Variants in ABCA1 observed in about 807,000 individuals in gnomAD.
The protein encoded by ABCA1 is ATP binding cassette subfamily A member 1.
A neutral mutation model predicts 262.5 loss-of-function variants in ABCA1; 133 were observed. The observed-to-expected ratio is 0.51, with a 90% confidence interval of 0.44 to 0.59. ABCA1 has a LOEUF of 0.59. Among genes scored for constraint, ABCA1 ranks in the 20% least tolerant of loss-of-function variants. The pLI, the probability that ABCA1 is intolerant of heterozygous loss-of-function variation, is 0.00. For synonymous variants in ABCA1, 1,022 were observed against 1,043.5 expected (o/e 0.98, Z 0.40); for missense variants, 2,452 against 2,777.5 (o/e 0.88, Z 2.63).
chr9:104,869,228 G>T (rs913058849), intron 5 of ABCA1, among the ~76,000 whole-genome samples: 3 of 151,906 alleles, frequency 2.0e-5, no homozygotes, highest in Admixed American at 2.0e-4. Flanking sequence ...GAAGTGGGTG[G>T]AGGAGGCAAA....
intron 1 of ABCA1, among the ~76,000 whole-genome samples, chr9:104,912,404 T>A (rs1841553468): frequency 6.6e-6 from 1 of 152,056 alleles, no homozygotes; most frequent in Non-Finnish European, 1.5e-5. Flanking sequence ...GTCTCAAAAA[T>A]AAACAAACAA....
At chr9:104,801,133 C>G (rs1215752102) in intron 34 of ABCA1, among the ~76,000 whole-genome samples, 1 of 94,774 alleles carries the variant, frequency 1.1e-5, no homozygotes, top group African/African-American at 4.1e-5. Context: ...AAAAAAGATT[C>G]ATTTCCTATT....
intron 5 of ABCA1, among the ~76,000 whole-genome samples, chr9:104,862,656 G>GGCAGC (rs1417400610): frequency 0.015 from 30 of 1,936 alleles, 6 homozygotes; most frequent in African/African-American, 0.038. Flanking sequence ...GGCCGGGCCG[G>GGCAGC]GCCGGGCCGG....
At chr9:104,921,038 C>T (rs1479554555) in intron 1 of ABCA1, among the ~76,000 whole-genome samples, 1 of 152,112 alleles carries the variant, frequency 6.6e-6, no homozygotes, top group Non-Finnish European at 1.5e-5. Flanking sequence ...TTCTTTTTCA[C>T]CAATATTTGC....
intron 1 of ABCA1, among the ~76,000 whole-genome samples, chr9:104,915,928 T>A (rs1841814969): frequency 6.6e-6 from 1 of 152,144 alleles, no homozygotes; most frequent in African/African-American, 2.4e-5. Context: ...TGCCATGCCC[T>A]TCTCTGCAGA....
intron 3 of ABCA1, among the ~76,000 whole-genome samples, chr9:104,888,518 T>C (rs1203857636): frequency 6.6e-6 from 1 of 152,238 alleles, no homozygotes; most frequent in Non-Finnish European, 1.5e-5. Context: ...GCTTAGTGAA[T>C]GCTGACACCA....
intron 46 of ABCA1, among the ~76,000 whole-genome samples, chr9:104,787,465 C>T (rs750944857): frequency 6.6e-6 from 1 of 152,002 alleles, no homozygotes; most frequent in Non-Finnish European, 1.5e-5. Flanking sequence ...GGCTTCTTCC[C>T]GTAATAACAT....
intron 2 of ABCA1, among the ~76,000 whole-genome samples, chr9:104,893,613 A>G (rs921864003): frequency 1.3e-5 from 2 of 152,130 alleles, no homozygotes; most frequent in Non-Finnish European, 2.9e-5. Context: ...TACAAGGCAC[A>G]TTTTATATTA....
At chr9:104,882,817 G>C (rs539255519) in intron 5 of ABCA1, among the ~76,000 whole-genome samples, 2 of 152,282 alleles carry the variant, frequency 1.3e-5, no homozygotes, top group East Asian at 3.9e-4. Context: ...CTTTTCTTCT[G>C]TCTTCCCAGA....
At chr9:104,869,590 A>G (rs1837416348) in intron 5 of ABCA1, among the ~76,000 whole-genome samples, 1 of 152,130 alleles carries the variant, frequency 6.6e-6, no homozygotes, top group African/African-American at 2.4e-5. Context: ...ACTCTCTGGG[A>G]AGACCTGGTT....
In ABCA1 at chr9:104,784,136, CT is replaced by C. The variant is rs1038459626; in HGVS notation, c.*178del. The C allele has an allele frequency of 2.7e-6, 2 of 730,712 alleles. No homozygotes were observed. The highest frequency in any genetic ancestry group is 5.4e-5 in the East Asian group (2 of 37,358). 45.3% of individuals were successfully genotyped at this position (730,712 alleles called of 1,614,324 possible). On this transcript the variant is annotated 3_prime_UTR_variant, in exon 50 of 50. Transcript: ENST00000374736. ...GACATAGGCTACAAAGGCACTGCCC[CT>C]GTAATGGAATTTTGTTTTCATTGCA...
chr9:104,865,832 A>G (rs1476988261), intron 5 of ABCA1, among the ~76,000 whole-genome samples: 1 of 152,228 alleles, frequency 6.6e-6, no homozygotes, highest in Non-Finnish European at 1.5e-5. Context: ...CAACTTTACC[A>G]ATGTACAACA....
Position 104,819,978 on chromosome 9 carries a change from C to T in ABCA1, c.3052G>A (p.Asp1018Asn). ...VKAEMEQMAL[D>N]VGLPSSKLKS... ...AGCTTGCTTGATGGCAAACCAACAT[C>T]CAGGGCCATCTGCTCCATCTCCGCC... Residue 1018 changes from aspartate (D) to asparagine (N), a missense_variant, in exon 21 of 50, where the codon GAT becomes AAT. Asp to Asn is a conservative substitution (Grantham distance 23, BLOSUM62 1). Coordinates refer to ENST00000374736, the MANE Select transcript of ABCA1 (RefSeq NM_005502.4). 6.2e-7 allele frequency: 1 copy of T among 1,614,066 alleles called. No individual in the cohort carries two copies. Among genetic ancestry groups the T allele is most frequent in the Non-Finnish European group, 8.5e-7 (1 of 1,180,034 alleles).
intron 15 of ABCA1, among the ~76,000 whole-genome samples, chr9:104,828,293 G>A (rs1832970177): frequency 6.6e-6 from 1 of 152,192 alleles, no homozygotes; most frequent in African/African-American, 2.4e-5. Context: ...GTGGTGTCAG[G>A]AGGGAGGCCT....
intron 2 of ABCA1, among the ~76,000 whole-genome samples, chr9:104,902,772 C>A (rs1257517660): frequency 6.6e-6 from 1 of 152,058 alleles, no homozygotes; most frequent in Non-Finnish European, 1.5e-5. Flanking sequence ...TCCCTTATAG[C>A]CCTTTGAATC....
At chr9:104,913,859 G>C (rs984353953) in intron 1 of ABCA1, among the ~76,000 whole-genome samples, 1 of 152,078 alleles carries the variant, frequency 6.6e-6, no homozygotes, top group Non-Finnish European at 1.5e-5. Flanking sequence ...GCAGTGGCGC[G>C]ATCTCGGCTC....
intron 7 of ABCA1, among the ~76,000 whole-genome samples, chr9:104,851,735 A>G (rs376148685): frequency 6.6e-6 from 1 of 152,224 alleles, no homozygotes; most frequent in African/African-American, 2.4e-5. Context: ...GGAATGAAAC[A>G]GAGAGGGCTG....
chr9:104,832,907 C>T, intron 11 of ABCA1, 136 bp from the exon 12 acceptor site: 3 of 811,990 alleles, frequency 3.7e-6, no homozygotes, highest in Non-Finnish European at 6.2e-6. Context: ...GACAGTGTCC[C>T]TATTTTATAT....
chr9:104,890,179 A>G (rs1198987942), intron 2 of ABCA1, among the ~76,000 whole-genome samples: 2 of 152,256 alleles, frequency 1.3e-5, no homozygotes, highest in Non-Finnish European at 2.9e-5. Flanking sequence ...AAAGAGTCAC[A>G]GGGCCTTGTG....
Sources: gnomAD v4.1 joint callset for allele counts (sites outside exome capture counted in the v4.1 genomes callset) on GRCh38, gnomAD v4.1.1 for gene constraint, MANE v1.5 for transcripts, NCBI Gene and HGNC (gene_info 2026-07-23, HGNC 2026-07-21) for gene names.